PRTG: variants seen among roughly 807,000 people sequenced by gnomAD.
PRTG encodes immunoglobulin superfamily, DCC subclass, member 5.
PRTG carries 67 observed loss-of-function variants against 122.5 expected under a neutral mutation model. The ratio of observed to expected loss-of-function variants is 0.55; its 90% confidence interval spans 0.45 to 0.67. The LOEUF is 0.67. Among genes scored for constraint, PRTG ranks in the 30% least tolerant of loss-of-function variants. The pLI, the probability that PRTG is intolerant of heterozygous loss-of-function variation, is 0.00. For synonymous variants in PRTG, 554 were observed against 501.1 expected (o/e 1.11, Z -1.41); for missense variants, 1,435 against 1,415.4 (o/e 1.01, Z -0.22).
chr15:55,711,525 G>A (rs964832088), intron 2 of PRTG, among the ~76,000 whole-genome samples: 8 of 152,126 alleles, frequency 5.3e-5, no homozygotes, highest in East Asian at 1.9e-4. Context: ...CTTGAGAAGC[G>A]CTGTTTGATG....
At chr15:55,702,469 A>AGTAT (rs2029928692) in intron 2 of PRTG, among the ~76,000 whole-genome samples, 1 of 152,178 alleles carries the variant, frequency 6.6e-6, no homozygotes, top group Non-Finnish European at 1.5e-5. Flanking sequence ...TTTGTCCTAG[A>AGTAT]GTATGTATGG....
At chr15:55,704,923 CATA>C in intron 2 of PRTG, among the ~76,000 whole-genome samples, 1 of 152,236 alleles carries the variant, frequency 6.6e-6, no homozygotes, top group Non-Finnish European at 1.5e-5. Context: ...TTGTTCACAA[CATA>C]ATGATGTCTT....
chr15:55,651,940 G>GA (rs544425925), intron 11 of PRTG, among the ~76,000 whole-genome samples: 255 of 152,192 alleles, frequency 1.7e-3, no homozygotes, highest in African/African-American at 5.1e-3. Context: ...CAAGTAGGGG[G>GA]AAAAAATCCT....
chr15:55,620,163 A>G lies in PRTG; in HGVS notation c.3302T>C (p.Phe1101Ser), dbSNP rs201955115. 2.9e-5 allele frequency: 47 copies of G among 1,614,196 alleles called. No homozygotes were observed. In the East Asian group the frequency reaches 1.0e-3, roughly 35 times the overall value. The change falls in exon 20 of 20, where the codon TTC becomes TCC. Residue 1101 changes from phenylalanine to serine, a missense_variant. By Grantham distance (155) the Phe-to-Ser change is radical. Coordinates refer to ENST00000389286, the MANE Select transcript of PRTG (RefSeq NM_173814.6). Reference sequence around the variant, plus strand: ...AGCTGCAACACCAAAGGGTCTTGAGAAGCTGGTTGTCTGACCTGGGGAGCT... The same window carrying G: ...AGCTGCAACACCAAAGGGTCTTGAGGAGCTGGTTGTCTGACCTGGGGAGCT... ...SPSSPGQTTS[F>S]SRPFGVAADT...
At chr15:55,674,012 G>A (rs545786194) in intron 9 of PRTG, among the ~76,000 whole-genome samples, 26 of 152,322 alleles carry the variant, frequency 1.7e-4, no homozygotes, top group African/African-American at 6.0e-4. Flanking sequence ...AAACAAGGGA[G>A]AGTGAATTAT....
chr15:55,728,011 T>C (rs1463851578), intron 2 of PRTG, among the ~76,000 whole-genome samples: 1 of 151,972 alleles, frequency 6.6e-6, no homozygotes, highest in Non-Finnish European at 1.5e-5. Context: ...ACTATAGGTG[T>C]GTCCCACCAT....
intron 11 of PRTG, among the ~76,000 whole-genome samples, chr15:55,666,393 T>A (rs999837779): frequency 6.6e-6 from 1 of 152,224 alleles, no homozygotes; most frequent in African/African-American, 2.4e-5. Context: ...CTTTAAAATA[T>A]ACATTTTGGG....
chr15:55,637,191 A>C lies in PRTG; in HGVS notation c.2602T>G (p.Trp868Gly). The C allele has an allele frequency of 6.3e-7, 1 of 1,598,392 alleles. No homozygotes were observed. Among genetic ancestry groups the C allele is most frequent in the Non-Finnish European group, 8.5e-7 (1 of 1,172,262 alleles). ...ASRKAWIAGE[W>G]QVLHREGAIT... Reference sequence around the variant, plus strand: ...TTACCTTCACGGTGTAAGACCTGCCACTCTCCTGCAATCCAGGCCTTCCTA... The same window carrying C: ...TTACCTTCACGGTGTAAGACCTGCCCCTCTCCTGCAATCCAGGCCTTCCTA... The change falls in exon 15 of 20, where the codon TGG becomes GGG. Residue 868 changes from tryptophan to glycine, a missense_variant. Coordinates refer to ENST00000389286, the MANE Select transcript of PRTG (RefSeq NM_173814.6).
At chr15:55,620,935 G>A (rs1320832106) in intron 18 of PRTG, among the ~76,000 whole-genome samples, 168 bp from the exon 19 acceptor site, 1 of 152,086 alleles carries the variant, frequency 6.6e-6, no homozygotes, top group Non-Finnish European at 1.5e-5. Flanking sequence ...CATGAGTGGG[G>A]TACATATTGT....
At chr15:55,630,201 T>C (rs988570311) in intron 15 of PRTG, among the ~76,000 whole-genome samples, 1 of 152,282 alleles carries the variant, frequency 6.6e-6, no homozygotes, top group Admixed American at 6.5e-5. Flanking sequence ...TTAGCCAGGA[T>C]GGTCTCGATC....
intron 2 of PRTG, among the ~76,000 whole-genome samples, chr15:55,727,053 A>G (rs538629168): frequency 6.6e-5 from 10 of 152,224 alleles, no homozygotes; most frequent in African/African-American, 2.4e-4. Flanking sequence ...ACATATTTAA[A>G]AAGAAGAATA....
intron 2 of PRTG, among the ~76,000 whole-genome samples, chr15:55,702,495 C>T (rs1178535446): frequency 2.0e-5 from 3 of 152,092 alleles, no homozygotes; most frequent in Non-Finnish European, 4.4e-5. Context: ...ATTCAGTCAT[C>T]ACCTCCTTCA....
intron 7 of PRTG, among the ~76,000 whole-genome samples, chr15:55,678,465 T>G (rs1370567556): frequency 2.0e-5 from 3 of 152,180 alleles, no homozygotes; most frequent in Admixed American, 6.5e-5. Context: ...AGGTTGGTCT[T>G]AAATTCCTAG....
chr15:55,678,118 AATAT>A, intron 7 of PRTG, 74 bp from the exon 8 acceptor site: 24 of 832,978 alleles, frequency 2.9e-5, no homozygotes, highest in Non-Finnish European at 4.2e-5. Flanking sequence ...GCTATTGCTA[AATAT>A]ACTCTCATTT....
chr15:55,640,544 C>T (rs1262230081), intron 12 of PRTG, among the ~76,000 whole-genome samples: 1 of 152,040 alleles, frequency 6.6e-6, no homozygotes, highest in African/African-American at 2.4e-5. Context: ...AAGTGAACAG[C>T]AATTGGAGAG....
chr15:55,723,754 T>TTC (rs1195383666), intron 2 of PRTG, among the ~76,000 whole-genome samples: 1 of 140,486 alleles, frequency 7.1e-6, no homozygotes, highest in African/African-American at 2.8e-5. Context: ...TCTTTTTTCT[T>TTC]TTTTTTTTTT....
chr15:55,624,591 T>C (rs1192691753), intron 17 of PRTG, 84 bp from the exon 18 acceptor site: 24 of 1,113,472 alleles, frequency 2.2e-5, no homozygotes, highest in Non-Finnish European at 7.6e-6. Context: ...AACAAAACTT[T>C]GTAAGCAATG....
At chr15:55,675,158 C>T (rs797004535) in intron 9 of PRTG, among the ~76,000 whole-genome samples, 1 of 152,034 alleles carries the variant, frequency 6.6e-6, no homozygotes, top group African/African-American at 2.4e-5. Flanking sequence ...TTCAGAAGTC[C>T]AGTACCTCTG....
rs939662266 is a variant in PRTG, at chr15:55,694,578, CA to C, written c.398-10648del. On this transcript the variant is annotated intron_variant, in intron 2 of 19. Transcript: ENST00000389286. The stretch of plus-strand genomic sequence containing the variant: ...AACTTAGAAACTTTAGAAAAGCATG[CA>C]AATATAAAACATATATATCATGATA... 1.3e-5 allele frequency among the ~76,000 whole-genome samples: 2 copies of C among 152,118 alleles called. 1 individual carries two copies. The highest frequency in any genetic ancestry group is 4.2e-4 in the South Asian group (2 of 4,812).
Sources: allele counts gnomAD v4.1 joint callset (sites outside exome capture counted in the v4.1 genomes callset), GRCh38; gene constraint gnomAD v4.1.1; transcripts MANE v1.5; gene names NCBI Gene and HGNC (gene_info 2026-07-23, HGNC 2026-07-21).